Variants in TAS1R2 observed in about 807,000 individuals in gnomAD.
TAS1R2 encodes the protein taste receptor type 1 member 2.
In TAS1R2, 47 loss-of-function variants were observed where a neutral mutation model predicts 49.3. The ratio of observed to expected loss-of-function variants is 0.95; its 90% CI spans 0.75 to 1.22. TAS1R2 has a LOEUF of 1.22. Ranked by LOEUF, TAS1R2 falls within the 50% of genes most tolerant of loss-of-function variation. The probability of loss-of-function intolerance (pLI) is 0.00; values close to 1 mark genes in which losing one functional copy is unlikely to be tolerated. For synonymous variants in TAS1R2, 479 were observed against 467.9 expected, an observed-to-expected ratio of 1.02 and a Z score of -0.31; for missense variants, 1,155 against 1,122.1, an observed-to-expected ratio of 1.03 and a Z score of -0.42.
Position 18,857,430 on chromosome 1 carries a change from G to C in TAS1R2, c.384C>G (p.Tyr128Ter), listed in dbSNP as rs773388522. ...CCACCACACGGGAAATGTAGTTACT[G>C]TAGTCCTCTTGGATGGGAAGGAGGT... is the stretch of plus-strand genomic sequence containing the variant. Residue 128 changes from tyrosine to a stop codon, truncating the protein, a stop_gained, in exon 2 of 6, where the codon TAC becomes TAG. Transcript: ENST00000375371. LOFTEE classifies it high-confidence loss of function. 6.2e-7 allele frequency: 1 copy of C among 1,614,120 alleles called. No homozygotes were observed. Among genetic ancestry groups the C allele is most frequent in the Non-Finnish European group, 8.5e-7 (1 of 1,180,048 alleles).
At chr1:18,840,339 G>T (rs752675253) in exon 6 of TAS1R2, 3 of 1,614,166 alleles carry the variant, frequency 1.9e-6, no homozygotes, top group Non-Finnish European at 2.5e-6. Context: ...CGAACTATGG[G>T]TGTCTGGAAG....
Position 18,854,824 on chromosome 1 carries a change from C to T in TAS1R2, c.646G>A (p.Gly216Ser), listed in dbSNP as rs1217690872. The T allele has an allele frequency of 6.2e-7, 1 of 1,607,798 alleles. No homozygotes were observed. Among genetic ancestry groups the T allele is most frequent in the Non-Finnish European group, 8.5e-7 (1 of 1,179,360 alleles). Reference sequence around the variant, plus strand: ...CCAAGCAGCTGGCCATTGTCGCGGCCATAGGTGTCGCTGCTCACCAGCACA... The same window carrying T: ...CCAAGCAGCTGGCCATTGTCGCGGCTATAGGTGTCGCTGCTCACCAGCACA... The change falls in exon 3 of 6, where the codon GGC becomes AGC. Residue 216 changes from glycine (G) to serine (S), a missense_variant. Gly to Ser is a moderately conservative substitution (Grantham distance 56). Coordinates refer to ENST00000375371, the Ensembl canonical transcript of TAS1R2. This position sits in a 1 kb window ranked among gnomAD's most constrained non-coding sequence, Gnocchi z 4.9.
At chr1:18,840,664 C>G (rs1933808093) in intron 5 of TAS1R2, 137 bp from the exon 6 acceptor site, 2 of 819,602 alleles carry the variant, frequency 2.4e-6, no homozygotes, top group South Asian at 3.4e-5. Context: ...GCCAGTACTC[C>G]TCAAGTCTCA....
intron 1 of TAS1R2, among the ~76,000 whole-genome samples, chr1:18,858,120 T>G (rs1934174125): frequency 6.9e-6 from 1 of 144,232 alleles, no homozygotes. Flanking sequence ...CACCACCATT[T>G]CCACCATCAC....
chr1:18,858,077 G>A (rs550096823), intron 1 of TAS1R2, among the ~76,000 whole-genome samples: 20 of 148,202 alleles, frequency 1.3e-4, no homozygotes, highest in Middle Eastern at 7.6e-3. Flanking sequence ...CTATCAGCAC[G>A]ACCATTATCA....
At chr1:18,846,115 C>G (rs566754249) in intron 4 of TAS1R2, among the ~76,000 whole-genome samples, 10 of 152,312 alleles carry the variant, frequency 6.6e-5, no homozygotes, top group African/African-American at 2.2e-4. Flanking sequence ...GCCATTGCTG[C>G]AGTCACCAGT....
chr1:18,848,931 A>G (rs981710008), intron 4 of TAS1R2, among the ~76,000 whole-genome samples: 1 of 152,240 alleles, frequency 6.6e-6, no homozygotes, highest in Non-Finnish European at 1.5e-5. Context: ...TAAAGCACAC[A>G]GTGTAATGCA....
intron 2 of TAS1R2, 117 bp downstream of exon 2, chr1:18,857,213 TG>T (rs1427258559): frequency 8.4e-7 from 1 of 1,190,720 alleles, no homozygotes. Context: ...GTCCTGACCC[TG>T]CTTCTGGTCC....
At chr1:18,858,035 C>G (rs1934172281) in intron 1 of TAS1R2, among the ~76,000 whole-genome samples, 1 of 151,982 alleles carries the variant, frequency 6.6e-6, no homozygotes. Flanking sequence ...TTGTGACCAT[C>G]ATCACCACCA....
Position 18,840,473 on chromosome 1 carries a change from G to A in TAS1R2, c.1646C>T (p.Thr549Ile). The A allele has an allele frequency of 6.2e-7, 1 of 1,614,170 alleles. No homozygotes were observed. Among genetic ancestry groups the A allele is most frequent in the Non-Finnish European group, 8.5e-7 (1 of 1,180,026 alleles). ...GACCAGCTGCCGCTTGAAGCAGGAG[G>A]TCTCACTCTGGTAGGACCACTCGTT... The change falls in exon 6 of 6, where the codon ACC (threonine) becomes ATC (isoleucine). Residue 549 changes from threonine (T) to isoleucine (I), a missense_variant. By Grantham distance (89) the Thr-to-Ile change is moderately conservative. Coordinates refer to ENST00000375371, the Ensembl canonical transcript of TAS1R2.
At chr1:18,849,190 AC>A in intron 4 of TAS1R2, 150 bp downstream of exon 4, 1 of 826,352 alleles carries the variant, frequency 1.2e-6, no homozygotes, top group East Asian at 2.7e-5. Context: ...GAAGGAAAGG[AC>A]CCCAGACGAT....
At chr1:18,851,236 G>A (rs999734365) in intron 3 of TAS1R2, among the ~76,000 whole-genome samples, 13 of 152,200 alleles carry the variant, frequency 8.5e-5, no homozygotes, top group Non-Finnish European at 1.9e-4. Flanking sequence ...GACCAGTGCC[G>A]AGGGCCCCAT....
chr1:18,859,351 G>A lies in TAS1R2; in HGVS notation c.182+128C>T, dbSNP rs1226109296. On this transcript the variant is annotated intron_variant, in intron 1 of 5. Transcript: ENST00000375371. ...AGGGGCATGGATCCAGAATAAGGGGGTTGGCAATGAATGGGGAGGAGTGCT... is the reference window on the plus strand; with the variant it reads ...AGGGGCATGGATCCAGAATAAGGGGATTGGCAATGAATGGGGAGGAGTGCT... 4.3e-6 allele frequency: 5 copies of A among 1,155,284 alleles called. No homozygotes were observed. In the African/African-American group the frequency reaches 4.6e-5, roughly 11 times the overall value. 71.6% of individuals were successfully genotyped at this position (1,155,284 alleles called of 1,614,324 possible).
chr1:18,850,794 C>A (rs1254746401), intron 3 of TAS1R2, among the ~76,000 whole-genome samples: 1 of 152,232 alleles, frequency 6.6e-6, no homozygotes, highest in South Asian at 2.1e-4. Context: ...AACCCCGTTT[C>A]CCCTTCCCCA....
chr1:18,856,194 G>T (rs1934134802), intron 2 of TAS1R2, among the ~76,000 whole-genome samples: 1 of 152,040 alleles, frequency 6.6e-6, no homozygotes, highest in South Asian at 2.1e-4. Flanking sequence ...CTCTCCCTCT[G>T]GTTCCAGTTC....
rs780445904 is a variant in TAS1R2, at chr1:18,840,520, A to C, written c.1599T>G (p.Tyr533Ter). 1 of 1,614,028 alleles carries C rather than the reference A, an allele frequency of 6.2e-7. No individual in the cohort carries two copies. Among genetic ancestry groups the C allele is most frequent in the Non-Finnish European group, 8.5e-7 (1 of 1,180,030 alleles). The change falls in exon 6 of 6, where the codon TAT becomes TAG. Residue 533 changes from tyrosine (Y) to a stop codon, truncating the protein, a stop_gained. Coordinates refer to ENST00000375371, the Ensembl canonical transcript of TAS1R2. LOFTEE classifies it low-confidence loss of function (END_TRUNC). Reference sequence around the variant, plus strand: ...CGTTATTCGGGCAGGCCTGGCATTCATATTCATCTGCAAAAGCCACAGCGA... The same window carrying C: ...CGTTATTCGGGCAGGCCTGGCATTCCTATTCATCTGCAAAAGCCACAGCGA...
chr1:18,846,599 C>T (rs903761068), intron 4 of TAS1R2, among the ~76,000 whole-genome samples: 6 of 152,280 alleles, frequency 3.9e-5, no homozygotes, highest in African/African-American at 9.6e-5. Context: ...CAGAATGTGA[C>T]CTCATTAAGA....
chr1:18,840,262 C>G (rs781113564), exon 6 of TAS1R2: 1 of 1,614,060 alleles, frequency 6.2e-7, no homozygotes, highest in South Asian at 1.1e-5. Flanking sequence ...CCACGTACAC[C>G]GGGACCACCA....
At chr1:18,853,964 G>T (rs894609318) in intron 3 of TAS1R2, among the ~76,000 whole-genome samples, 1 of 152,192 alleles carries the variant, frequency 6.6e-6, no homozygotes. Context: ...GGAGGGGGGC[G>T]CTGCCGTTCC....
Sources: allele counts gnomAD v4.1 joint callset (sites outside exome capture counted in the v4.1 genomes callset), GRCh38; gene constraint gnomAD v4.1.1; non-coding constraint Gnocchi (gnomAD v3.1); transcripts MANE v1.5; gene names NCBI Gene and HGNC (gene_info 2026-07-23, HGNC 2026-07-21).